The following CUTC variants were observed in gnomAD, a reference collection of about 807,000 sequenced individuals.
The protein encoded by CUTC is copper homeostasis protein cutC homolog.
CUTC carries 27 observed loss-of-function variants against 36.2 expected under a neutral mutation model. The ratio of observed to expected loss-of-function variants is 0.75; its 90% CI spans 0.55 to 1.03. CUTC has a LOEUF of 1.03. CUTC is among the 50% of genes least tolerant of loss of function. The probability of loss-of-function intolerance (pLI) is 0.00; values close to 1 mark genes in which losing one functional copy is unlikely to be tolerated. For synonymous variants in CUTC, 114 were observed against 118.3 expected (o/e 0.96, Z 0.24); for missense variants, 315 against 343.5 (o/e 0.92, Z 0.66).
chr10:99,753,385 A>C (rs539223092), intron 7 of CUTC, among the ~76,000 whole-genome samples: 1 of 152,272 alleles, frequency 6.6e-6, no homozygotes, highest in African/African-American at 2.4e-5. Context: ...TTTCAGTCTA[A>C]ATCTACTCAG....
intron 5 of CUTC, among the ~76,000 whole-genome samples, chr10:99,746,454 T>A (rs1356316562): frequency 6.6e-6 from 1 of 151,572 alleles, no homozygotes; most frequent in Non-Finnish European, 1.5e-5. Flanking sequence ...CACAACAAAC[T>A]CCCAAGACAC....
chr10:99,745,513 C>G (rs2037371919), intron 5 of CUTC, among the ~76,000 whole-genome samples: 1 of 152,148 alleles, frequency 6.6e-6, no homozygotes, highest in South Asian at 2.1e-4. Context: ...TTTTCAGTTT[C>G]CTGATACCAC....
intron 5 of CUTC, among the ~76,000 whole-genome samples, chr10:99,746,530 A>C (rs1208060777): frequency 2.0e-5 from 3 of 152,162 alleles, no homozygotes; most frequent in Admixed American, 6.5e-5. Context: ...AAAAAAAGTA[A>C]ATTTATTTTA....
chr10:99,732,626 C>CGAGTCCCG, intron 1 of CUTC: 5 of 1,419,226 alleles, frequency 3.5e-6, no homozygotes, highest in Non-Finnish European at 4.6e-6. Context: ...AGCCAAGGTT[C>CGAGTCCCG]GAGTCCCGGG....
At chr10:99,735,242 G>A (rs1260089160) in intron 1 of CUTC, among the ~76,000 whole-genome samples, 1 of 151,860 alleles carries the variant, frequency 6.6e-6, no homozygotes. Flanking sequence ...CATAACTCAT[G>A]AAGAGTTAAA....
chr10:99,734,327 A>G (rs1033454411), intron 1 of CUTC, among the ~76,000 whole-genome samples: 2 of 152,146 alleles, frequency 1.3e-5, no homozygotes, highest in Non-Finnish European at 2.9e-5. Context: ...TTGGCCTCCC[A>G]AAGTACTGGG....
chr10:99,743,591 C>A (rs1432936702), intron 4 of CUTC, among the ~76,000 whole-genome samples: 1 of 152,104 alleles, frequency 6.6e-6, no homozygotes, highest in Non-Finnish European at 1.5e-5. Flanking sequence ...CTACTGTTCC[C>A]ATAGAATAGA....
At chr10:99,733,738 TCTCAGAGGCTC>T (rs2037259956) in intron 1 of CUTC, among the ~76,000 whole-genome samples, 1 of 152,168 alleles carries the variant, frequency 6.6e-6, no homozygotes, top group South Asian at 2.1e-4. Flanking sequence ...CTCTGAAAAG[TCTCAGAGGCTC>T]CCAAAGCTCT....
Position 99,743,365 on chromosome 10 carries a change from A to G in CUTC, c.403+3A>G, listed in dbSNP as rs774498575. 1.6e-5 allele frequency: 25 copies of G among 1,611,750 alleles called. No homozygotes were observed. Among genetic ancestry groups the G allele is most frequent in the Non-Finnish European group, 2.0e-5 (24 of 1,177,810 alleles). ...AGAGCTGTGTATGTCCCTTATGGGT[A>G]AGAATTTGTATCTAAGACGTAAAAG... On this transcript the variant is annotated splice_donor_region_variant and intron_variant, in intron 4 of 8. Coordinates refer to ENST00000370476, the MANE Select transcript of CUTC (RefSeq NM_015960.3).
chr10:99,732,303 A>G lies in CUTC; in HGVS notation c.-46A>G. ...TTAGCTGGTGCGCGCCGGAGCCCAA[A>G]TTCCAAGTGGAAACTGCAGGCGCAC... On this transcript the variant is annotated 5_prime_UTR_variant, in exon 1 of 9. Transcript: ENST00000370476. 6.5e-7 allele frequency: 1 copy of G among 1,549,608 alleles called. No homozygotes were observed. Among genetic ancestry groups the G allele is most frequent in the Non-Finnish European group, 8.7e-7 (1 of 1,146,328 alleles).
chr10:99,754,652 G>T lies in CUTC; in HGVS notation c.707+18G>T, dbSNP rs779839021. 6 of 1,535,412 alleles carry T rather than the reference G, an allele frequency of 3.9e-6. No homozygotes were observed. The Admixed American group carries it at 5.2e-5, about 13-fold the overall frequency. On this transcript the variant is annotated intron_variant, in intron 8 of 8. Coordinates refer to ENST00000370476, the MANE Select transcript of CUTC (RefSeq NM_015960.3). ...AAGTTTCGGTAAAAATGTATTCTTC[G>T]ATTCAAATAAGAAGGATGAGATTAA...
intron 6 of CUTC, among the ~76,000 whole-genome samples, chr10:99,748,844 AT>A (rs1323697657): frequency 3.9e-5 from 6 of 152,224 alleles, no homozygotes; most frequent in African/African-American, 1.4e-4. Context: ...AGCAAGGGCT[AT>A]AAACAAAAGC....
chr10:99,734,309 C>A (rs558280959), intron 1 of CUTC, among the ~76,000 whole-genome samples: 1 of 152,098 alleles, frequency 6.6e-6, no homozygotes, highest in Non-Finnish European at 1.5e-5. Flanking sequence ...ACCTCAGATC[C>A]GCCCACCTTG....
At position 99,742,337 on chromosome 10, in the gene CUTC, A is replaced by G. The variant is rs1437638676; in HGVS notation, c.194-816A>G. 2.0e-5 allele frequency among the ~76,000 whole-genome samples: 3 copies of G among 152,152 alleles called. No individual in the cohort carries two copies. The East Asian group carries it at 5.8e-4, about 29-fold the overall frequency. On this transcript the variant is annotated intron_variant, in intron 3 of 8. Coordinates refer to ENST00000370476, the MANE Select transcript of CUTC (RefSeq NM_015960.3). ...CTACTCTGAGGTTGATAATAGCATT[A>G]TTTAATGTAAAAAGTTTGTATACAC...
chr10:99,743,102 C>A, intron 3 of CUTC, 51 bp from the exon 4 acceptor site: 2 of 1,523,422 alleles, frequency 1.3e-6, no homozygotes, highest in South Asian at 1.1e-5. Context: ...AATAATATAT[C>A]ATTGGCTTTT....
chr10:99,735,167 T>C (rs1217944510), intron 1 of CUTC, among the ~76,000 whole-genome samples: 2 of 150,898 alleles, frequency 1.3e-5, no homozygotes, highest in Non-Finnish European at 3.0e-5. Context: ...TGATCAGATA[T>C]TTATCTGCAT....
At chr10:99,755,380 GAAA>G (rs386372234) in intron 8 of CUTC, among the ~76,000 whole-genome samples, 2 of 122,004 alleles carry the variant, frequency 1.6e-5, no homozygotes, top group Non-Finnish European at 1.7e-5. Context: ...ATTTAAAAAG[GAAA>G]AAAAAAAAAA....
intron 5 of CUTC, among the ~76,000 whole-genome samples, chr10:99,744,810 A>C (rs1185020014): frequency 6.6e-6 from 1 of 152,150 alleles, no homozygotes; most frequent in Admixed American, 6.5e-5. Context: ...GCTGGAGTGC[A>C]GTCGCACGAT....
chr10:99,754,398 G>A (rs1279293863), intron 7 of CUTC, 131 bp from the exon 8 acceptor site: 3 of 682,206 alleles, frequency 4.4e-6, no homozygotes, highest in African/African-American at 1.8e-5. Context: ...AGCTGGGTAG[G>A]GAGAGACTAA....
Sources: gnomAD v4.1 joint callset for allele counts (sites outside exome capture counted in the v4.1 genomes callset) on GRCh38, gnomAD v4.1.1 for gene constraint, MANE v1.5 for transcripts, NCBI Gene and HGNC (gene_info 2026-07-23, HGNC 2026-07-21) for gene names.